The following ADAMTSL1 variants were observed in gnomAD, a reference collection of about 807,000 sequenced individuals.
ADAMTSL1 encodes the protein ADAMTS like 1, also known as ADAMTS-like protein 1.
A neutral mutation model predicts 201.8 loss-of-function variants in ADAMTSL1; 126 were observed. That is an observed-to-expected ratio of 0.62 (90% CI 0.54 to 0.72). The LOEUF is 0.72. Among genes scored for constraint, ADAMTSL1 ranks in the 30% least tolerant of loss-of-function variants. ADAMTSL1 has a pLI of 0.00. For missense variants in ADAMTSL1, 2,679 were observed against 2,277.8 expected (o/e 1.18, Z -3.59); for synonymous variants, 1,121 against 903.4 (o/e 1.24, Z -4.32).
intron 2 of ADAMTSL1, among the ~76,000 whole-genome samples, chr9:18,531,367 A>T (rs1819433345): frequency 6.6e-6 from 1 of 152,160 alleles, no homozygotes; most frequent in African/African-American, 2.4e-5. Context: ...CTATGTGGAG[A>T]TTGCAGCAGT....
At chr9:18,436,890 G>A (rs1315749107) in intron 2 of ADAMTSL1, among the ~76,000 whole-genome samples, 3 of 152,140 alleles carry the variant, frequency 2.0e-5, no homozygotes, top group South Asian at 2.1e-4. Context: ...AGATACACCC[G>A]TAAGGAAGGC....
chr9:18,170,340 A>T (rs1280212552), intron 2 of ADAMTSL1, among the ~76,000 whole-genome samples: 1 of 152,102 alleles, frequency 6.6e-6, no homozygotes. Flanking sequence ...TAAGGGATGT[A>T]TATGTATTTC....
chr9:18,266,519 T>A (rs1419548509), intron 2 of ADAMTSL1, among the ~76,000 whole-genome samples: 3 of 152,180 alleles, frequency 2.0e-5, no homozygotes, highest in African/African-American at 7.2e-5. Context: ...AACTATTGAG[T>A]GAGGGTCAGG....
At chr9:18,614,681 C>T (rs1825589055) in intron 4 of ADAMTSL1, among the ~76,000 whole-genome samples, 1 of 152,078 alleles carries the variant, frequency 6.6e-6, no homozygotes, top group South Asian at 2.1e-4. Context: ...TGATTAAAAC[C>T]CCTCACCCTA....
chr9:18,201,095 G>T (rs1829426185), intron 2 of ADAMTSL1, among the ~76,000 whole-genome samples: 3 of 151,934 alleles, frequency 2.0e-5, no homozygotes, highest in African/African-American at 7.2e-5. Flanking sequence ...ATTTTGCTTG[G>T]TGTATTAAAA....
At chr9:18,046,348 C>A (rs1190373566) in intron 1 of ADAMTSL1, among the ~76,000 whole-genome samples, 1 of 152,154 alleles carries the variant, frequency 6.6e-6, no homozygotes, top group East Asian at 1.9e-4. Flanking sequence ...TTTCATCTAG[C>A]TGTTCAAGGT....
intron 2 of ADAMTSL1, among the ~76,000 whole-genome samples, chr9:18,512,425 T>C (rs546080416): frequency 1.3e-5 from 2 of 152,216 alleles, no homozygotes; most frequent in East Asian, 3.9e-4. Context: ...CTCTTAGATG[T>C]CTTTTTCTGT....
intron 25 of ADAMTSL1, among the ~76,000 whole-genome samples, chr9:18,891,845 G>A (rs1563894519): frequency 6.6e-6 from 1 of 152,134 alleles, no homozygotes; most frequent in Non-Finnish European, 1.5e-5. Context: ...TCACATGCTT[G>A]GATCTCCTTT....
chr9:18,432,379 T>C (rs1389627183), intron 2 of ADAMTSL1, among the ~76,000 whole-genome samples: 2 of 152,214 alleles, frequency 1.3e-5, no homozygotes, highest in Non-Finnish European at 2.9e-5. Context: ...TATGAATCTT[T>C]CAACTAGAAT....
At chr9:18,216,176 G>A (rs1170420738) in intron 2 of ADAMTSL1, among the ~76,000 whole-genome samples, 1 of 152,068 alleles carries the variant, frequency 6.6e-6, no homozygotes, top group Non-Finnish European at 1.5e-5. Context: ...AAATTACTAG[G>A]CTTGTGCTAA....
chr9:18,753,156 C>T, intron 15 of ADAMTSL1, 142 bp from the exon 16 acceptor site: 1 of 765,056 alleles, frequency 1.3e-6, no homozygotes, highest in South Asian at 1.5e-5. Flanking sequence ...AGATTCTAGG[C>T]TTAAGATAGA....
intron 2 of ADAMTSL1, among the ~76,000 whole-genome samples, chr9:18,254,426 G>A (rs1831594820): frequency 8.3e-6 from 1 of 120,972 alleles, no homozygotes; most frequent in African/African-American, 3.2e-5. Flanking sequence ...ACAGTGGCGC[G>A]ATCTCAGCTC....
At chr9:18,857,795 T>C (rs1826957150) in intron 23 of ADAMTSL1, among the ~76,000 whole-genome samples, 1 of 152,220 alleles carries the variant, frequency 6.6e-6, no homozygotes, top group South Asian at 2.1e-4. Context: ...CTATAATCTA[T>C]GCTATCCTAA....
At chr9:18,593,074 G>T (rs1025708218) in intron 4 of ADAMTSL1, among the ~76,000 whole-genome samples, 1 of 152,008 alleles carries the variant, frequency 6.6e-6, no homozygotes, top group Non-Finnish European at 1.5e-5. Context: ...TTTGTATCTG[G>T]CAACTTTGCT....
chr9:18,174,743 A>G (rs761692706), intron 2 of ADAMTSL1, among the ~76,000 whole-genome samples: 48 of 152,194 alleles, frequency 3.2e-4, no homozygotes, highest in Non-Finnish European at 6.8e-4. Flanking sequence ...TAATATTATT[A>G]AGTGATGCAA....
intron 2 of ADAMTSL1, among the ~76,000 whole-genome samples, chr9:18,279,692 T>C (rs978384859): frequency 2.0e-5 from 3 of 152,160 alleles, no homozygotes; most frequent in African/African-American, 4.8e-5. Flanking sequence ...ACAACATGTT[T>C]GAACTATGCA....
intron 23 of ADAMTSL1, among the ~76,000 whole-genome samples, chr9:18,833,518 T>C (rs1483310691): frequency 6.6e-6 from 1 of 152,250 alleles, no homozygotes; most frequent in Non-Finnish European, 1.5e-5. Flanking sequence ...GAAAAGCGTA[T>C]GTTCACATCT....
intron 1 of ADAMTSL1, among the ~76,000 whole-genome samples, chr9:17,945,282 G>C (rs1438190670): frequency 7.7e-6 from 1 of 129,434 alleles, no homozygotes; most frequent in East Asian, 2.2e-4. Flanking sequence ...TCTCACACCA[G>C]TTAGAATGGC....
At chr9:18,637,576 T>C (rs1396771186) in intron 6 of ADAMTSL1, among the ~76,000 whole-genome samples, 2 of 152,204 alleles carry the variant, frequency 1.3e-5, no homozygotes, top group African/African-American at 4.8e-5. Flanking sequence ...TCCTAAAGAT[T>C]TGATGAAAAG....
Sources: allele counts gnomAD v4.1 joint callset (sites outside exome capture counted in the v4.1 genomes callset), GRCh38; gene constraint gnomAD v4.1.1; transcripts MANE v1.5; gene names NCBI Gene and HGNC (gene_info 2026-07-23, HGNC 2026-07-21).